Variants in C5orf34 observed in about 807,000 individuals in gnomAD.
C5orf34 encodes the protein chromosome 5 open reading frame 34.
In C5orf34, 73 loss-of-function variants were observed where a neutral mutation model predicts 78.4. That is an observed-to-expected ratio of 0.93 (90% confidence interval 0.77 to 1.13). The LOEUF is 1.13. C5orf34 is among the 50% of genes most tolerant of loss of function. C5orf34 has a pLI of 0.00. For missense variants in C5orf34, 730 were observed against 732.7 expected (o/e 1.00, Z 0.04); for synonymous variants, 251 against 246.6 (o/e 1.02, Z -0.17).
rs538971042 is a variant in C5orf34, at chr5:43,487,495, C to T, written c.1721-384G>A. On this transcript the variant is annotated intron_variant, in intron 12 of 12. Coordinates refer to ENST00000306862, the MANE Select transcript of C5orf34 (RefSeq NM_198566.4). ...AAAGATTTAGAGTGAAAAACCTGTT[C>T]GCTATAGAACTAACTTATTTGAATA... 2.7e-4 allele frequency among the ~76,000 whole-genome samples: 41 copies of T among 151,918 alleles called. No homozygotes were observed. In the South Asian group the frequency reaches 8.1e-3, roughly 30 times the overall value.
chr5:43,492,478 T>C (rs1745324060), intron 9 of C5orf34, among the ~76,000 whole-genome samples, 169 bp from the exon 10 acceptor site: 1 of 152,250 alleles, frequency 6.6e-6, no homozygotes, highest in African/African-American at 2.4e-5. Context: ...ACCACTCATA[T>C]AGGTAATTAT....
chr5:43,502,327 C>G (rs544708948), intron 6 of C5orf34, 45 bp downstream of exon 6: 1 of 1,598,862 alleles, frequency 6.3e-7, no homozygotes, highest in African/African-American at 1.3e-5. Flanking sequence ...TTAGAAAGAG[C>G]TATACAGCAA....
At chr5:43,510,578 T>C (rs577113047) in intron 1 of C5orf34, among the ~76,000 whole-genome samples, 2 of 152,360 alleles carry the variant, frequency 1.3e-5, no homozygotes, top group Admixed American at 6.5e-5. Context: ...GTGCCTGTGA[T>C]TGCAGGCGCG....
chr5:43,505,614 T>C (rs145741520), intron 4 of C5orf34, 134 bp downstream of exon 4: 3 of 780,846 alleles, frequency 3.8e-6, no homozygotes, highest in East Asian at 5.3e-5. Flanking sequence ...GGGAAATTAT[T>C]TACTATCAGT....
rs34983529 is a variant in C5orf34 at position 43,492,004 on chromosome 5, C to CAAAAAAAAAAAAAAAAAAAAAAAAAAAA, written c.1580+210_1580+211insTTTTTTTTTTTTTTTTTTTTTTTTTTTT. On this transcript the variant is annotated intron_variant, in intron 10 of 12. Coordinates refer to ENST00000306862, the MANE Select transcript of C5orf34 (RefSeq NM_198566.4). ...AGGCCACAGGAGCAAAACTCTGTCT[C>CAAAAAAAAAAAAAAAAAAAAAAAAAAAA]AAAAAAAAAAAAAAAAAAAAAGCTG... Among the ~76,000 whole-genome samples, 2 of 85,538 alleles carry CAAAAAAAAAAAAAAAAAAAAAAAAAAAA rather than the reference C, an allele frequency of 2.3e-5. 1 individual carries two copies. The highest frequency in any genetic ancestry group is 4.7e-5 in the Non-Finnish European group (2 of 42,950). The allele number at this position is 85,538 out of a possible 152,430, so 56.1% of individuals were successfully genotyped here.
chr5:43,491,420 G>A (rs1745275657), intron 10 of C5orf34, among the ~76,000 whole-genome samples: 1 of 152,114 alleles, frequency 6.6e-6, no homozygotes, highest in Non-Finnish European at 1.5e-5. Context: ...TCACTAAAAT[G>A]TGAAGACTAT....
chr5:43,505,603 A>T, intron 4 of C5orf34, 145 bp downstream of exon 4: 1 of 702,110 alleles, frequency 1.4e-6, no homozygotes, highest in Non-Finnish European at 2.3e-6. Context: ...CACATTTGCT[A>T]GGGAAATTAT....
intron 10 of C5orf34, among the ~76,000 whole-genome samples, chr5:43,492,004 CAAA>C (rs34983529): frequency 8.2e-5 from 7 of 85,498 alleles, no homozygotes; most frequent in Non-Finnish European, 1.4e-4. Context: ...AACTCTGTCT[CAAA>C]AAAAAAAAAA....
chr5:43,499,046 T>C (rs897061345), intron 6 of C5orf34, among the ~76,000 whole-genome samples: 1 of 152,216 alleles, frequency 6.6e-6, no homozygotes, highest in Non-Finnish European at 1.5e-5. Context: ...GGCTTAAATC[T>C]AGTGTAGCTG....
chr5:43,503,856 C>T (rs1222857234), intron 4 of C5orf34, 96 bp from the exon 5 acceptor site: 8 of 739,966 alleles, frequency 1.1e-5, no homozygotes, highest in Non-Finnish European at 1.9e-5. Flanking sequence ...GGATTAATTT[C>T]TTGTTTAACT....
At position 43,509,131 on chromosome 5, in the gene C5orf34, A is replaced by C; in HGVS notation, c.195+14T>G. On this transcript the variant is annotated intron_variant, in intron 2 of 12. Transcript: ENST00000306862. ...AAAAAACAAAAAAGTTGTTTACGTG[A>C]TATCTTTACTTACTCTGTAAGTGCT... 1 of 1,602,198 alleles carries C rather than the reference A, an allele frequency of 6.2e-7. No homozygotes were observed. The highest frequency in any genetic ancestry group is 8.5e-7 in the Non-Finnish European group (1 of 1,174,658).
intron 6 of C5orf34, among the ~76,000 whole-genome samples, chr5:43,494,909 TG>T (rs1171373504): frequency 2.6e-5 from 4 of 152,186 alleles, no homozygotes; most frequent in African/African-American, 7.2e-5. Context: ...AAAACCAAAG[TG>T]GTCCACAAAA....
intron 4 of C5orf34, 199 bp downstream of exon 4, chr5:43,505,549 C>A (rs1428379363): frequency 7.6e-6 from 4 of 528,464 alleles, no homozygotes; most frequent in Non-Finnish European, 9.9e-6. Flanking sequence ...TAGAGTCAGC[C>A]TTCTACATTC....
In C5orf34 at chr5:43,495,101, G is replaced by A. The variant is rs1407801110; in HGVS notation, c.1153-500C>T. Reference sequence around the variant, plus strand: ...TTTAGCCTTCTGAGCTGTCTGGGCAGACTTCGTGACCTTGCCACCTCCAGC... The same window carrying A: ...TTTAGCCTTCTGAGCTGTCTGGGCAAACTTCGTGACCTTGCCACCTCCAGC... On this transcript the variant is annotated intron_variant, in intron 6 of 12. Coordinates refer to ENST00000306862, the MANE Select transcript of C5orf34 (RefSeq NM_198566.4). 2.6e-6 allele frequency: 4 copies of A among 1,547,350 alleles called. No individual in the cohort carries two copies. In the African/African-American group the frequency reaches 5.4e-5, roughly 21 times the overall value.
At chr5:43,501,425 A>G (rs777560005) in intron 6 of C5orf34, among the ~76,000 whole-genome samples, 1 of 152,210 alleles carries the variant, frequency 6.6e-6, no homozygotes, top group African/African-American at 2.4e-5. Context: ...AATGCCTGCC[A>G]AAGAGTTACT....
chr5:43,495,932 G>T, intron 6 of C5orf34: 1 of 1,591,552 alleles, frequency 6.3e-7, no homozygotes, highest in Middle Eastern at 2.2e-4. Flanking sequence ...CTTAATGTAA[G>T]TGCTGACTTC....
chr5:43,505,896 GA>G lies in C5orf34; in HGVS notation c.783del (p.His262IlefsTer14). 1.2e-6 allele frequency: 2 copies of G among 1,613,926 alleles called. No individual in the cohort carries two copies. Among genetic ancestry groups the G allele is most frequent in the African/African-American group, 1.3e-5 (1 of 75,032 alleles). On this transcript the variant is annotated frameshift_variant, in exon 4 of 13. Transcript: ENST00000306862. LOFTEE classifies it high-confidence loss of function. ...WKYPLSLALH[F>X]HNKISNMSKI... ...TTAGACATATTGCTGATTTTATTAT[GA>G]AAATGAAGTGCTAAAGACAAAGGAT...
chr5:43,502,089 T>C (rs1745780247), intron 6 of C5orf34, among the ~76,000 whole-genome samples: 1 of 152,222 alleles, frequency 6.6e-6, no homozygotes, highest in African/African-American at 2.4e-5. Context: ...TAACTCAAAG[T>C]CCTGGTTTCA....
rs34983529 is a variant in C5orf34 at position 43,492,004 on chromosome 5, CAAAAAAAAAAAA to C, written c.1580+199_1580+210del. Reference sequence around the variant, plus strand: ...AGGCCACAGGAGCAAAACTCTGTCTCAAAAAAAAAAAAAAAAAAAAAGCTGACTTGATCTATT... The same window carrying C: ...AGGCCACAGGAGCAAAACTCTGTCTCAAAAAAAAAGCTGACTTGATCTATT... On this transcript the variant is annotated intron_variant, in intron 10 of 12. Transcript: ENST00000306862. Among the ~76,000 whole-genome samples, 7 of 85,514 alleles carry C rather than the reference CAAAAAAAAAAAA, an allele frequency of 8.2e-5. No individual in the cohort carries two copies. The East Asian group carries it at 3.5e-3, about 43-fold the overall frequency. 56.1% of individuals were successfully genotyped at this position (85,514 alleles called of 152,430 possible). A position where few individuals can be genotyped will look rare whatever the true frequency, so the allele number is the denominator to read the frequency against.
Sources: allele counts gnomAD v4.1 joint callset (sites outside exome capture counted in the v4.1 genomes callset), GRCh38; gene constraint gnomAD v4.1.1; transcripts MANE v1.5; gene names NCBI Gene and HGNC (gene_info 2026-07-23, HGNC 2026-07-21).